Variants in NALF1 observed in about 807,000 individuals in gnomAD.
NALF1 encodes the protein family with sequence similarity 155 member A.
In NALF1, 3 loss-of-function variants were observed where a neutral mutation model predicts 48.4. The observed-to-expected ratio is 0.06, with a 90% CI of 0.03 to 0.16. NALF1 has a LOEUF of 0.16. NALF1 is among the 10% of genes least tolerant of loss of function. NALF1 has a pLI of 1.00. For missense variants in NALF1, 526 were observed against 571.5 expected (o/e 0.92, Z 0.81); for synonymous variants, 262 against 245.7 (o/e 1.07, Z -0.62).
rs188912670 is a variant in NALF1, at chr13:107,521,520, A to T, written c.916-310765T>A. Among the ~76,000 whole-genome samples, 651 of 152,340 alleles carry T rather than the reference A, an allele frequency of 4.3e-3. 7 individuals carry two copies. The highest frequency in any genetic ancestry group is 0.015 in the African/African-American group (608 of 41,584). On this transcript the variant is annotated intron_variant, in intron 1 of 2. Transcript: ENST00000375915. ...AAAACGGTATATTAAGTTGACTATT[A>T]TATCCCCCCTTATAAAGCACTAGTT...
At chr13:107,531,894 T>C (rs1204858246) in intron 1 of NALF1, among the ~76,000 whole-genome samples, 1 of 152,170 alleles carries the variant, frequency 6.6e-6, no homozygotes, top group Non-Finnish European at 1.5e-5. Flanking sequence ...ATTTTATGCT[T>C]ATAAACTTCT....
At chr13:107,420,540 T>C (rs905677956) in intron 1 of NALF1, among the ~76,000 whole-genome samples, 1 of 152,190 alleles carries the variant, frequency 6.6e-6, no homozygotes, top group Non-Finnish European at 1.5e-5. Context: ...AAATTTCAGC[T>C]GACAAGTAAC....
chr13:107,742,680 A>G (rs1876673573), intron 1 of NALF1, among the ~76,000 whole-genome samples: 1 of 152,200 alleles, frequency 6.6e-6, no homozygotes, highest in Non-Finnish European at 1.5e-5. Flanking sequence ...CAGTGTGAGA[A>G]TGGACTAACA....
intron 1 of NALF1, among the ~76,000 whole-genome samples, chr13:107,580,633 G>C (rs1034226916): frequency 2.0e-5 from 3 of 152,162 alleles, no homozygotes; most frequent in African/African-American, 7.2e-5. Context: ...TTTTATGAAA[G>C]AAAGAATGTT....
Position 107,396,360 on chromosome 13 carries a change from C to T in NALF1, c.916-185605G>A, listed in dbSNP as rs191428860. Among the ~76,000 whole-genome samples the T allele has an allele frequency of 5.4e-3, 828 of 152,270 alleles. 3 individuals are homozygous for T. Among genetic ancestry groups the T allele is most frequent in the Non-Finnish European group, 8.1e-3 (550 of 68,008 alleles). On this transcript the variant is annotated intron_variant, in intron 1 of 2. Coordinates refer to ENST00000375915, the MANE Select transcript of NALF1 (RefSeq NM_001080396.3). ...CGCAAAAGATCTCTGCTAAGGCCAG[C>T]GCCACATCCAGTTCTGTAGAAGTGC...
At position 107,319,244 on chromosome 13, in the gene NALF1, C is replaced by T. The variant is rs895800356; in HGVS notation, c.916-108489G>A. ...GCGTTAGTGATAAAATGATGAGTCA[C>T]AAAAGAATGTTGAACTGGTGAACGT... On this transcript the variant is annotated intron_variant, in intron 1 of 2. Coordinates refer to ENST00000375915, the MANE Select transcript of NALF1 (RefSeq NM_001080396.3). Among the ~76,000 whole-genome samples, 3 of 151,976 alleles carry T rather than the reference C, an allele frequency of 2.0e-5. No individual in the cohort carries two copies. The East Asian group carries it at 5.8e-4, about 29-fold the overall frequency.
intron 1 of NALF1, among the ~76,000 whole-genome samples, chr13:107,244,211 A>G (rs1880532906): frequency 6.6e-6 from 1 of 152,172 alleles, no homozygotes; most frequent in Non-Finnish European, 1.5e-5. Context: ...CAAAGTTTGG[A>G]ATTTTATAAA....
At chr13:107,818,919 T>C (rs1879271109) in intron 1 of NALF1, among the ~76,000 whole-genome samples, 1 of 149,410 alleles carries the variant, frequency 6.7e-6, no homozygotes, top group Admixed American at 6.7e-5. Context: ...AATATGAGAC[T>C]TCCAGTGTGA....
chr13:107,604,559 GGA>G (rs546393280), intron 1 of NALF1, among the ~76,000 whole-genome samples: 35 of 152,224 alleles, frequency 2.3e-4, no homozygotes, highest in African/African-American at 7.5e-4. Flanking sequence ...ATATTCTTTT[GGA>G]ACTCAGTTGA....
chr13:107,675,509 T>G (rs1486422760), intron 1 of NALF1, among the ~76,000 whole-genome samples: 2 of 152,252 alleles, frequency 1.3e-5, no homozygotes, highest in Non-Finnish European at 2.9e-5. Flanking sequence ...TCGTTTCTTT[T>G]TCTTGAATCG....
intron 1 of NALF1, among the ~76,000 whole-genome samples, chr13:107,271,774 C>CTATA (rs397838456): frequency 3.0e-3 from 82 of 27,538 alleles, no homozygotes; most frequent in African/African-American, 5.3e-3. Flanking sequence ...TGCTACTGGA[C>CTATA]TATATATATA....
rs1316758002 is a variant in NALF1, at chr13:107,243,255, A to G, written c.916-32500T>C. 1.3e-5 allele frequency among the ~76,000 whole-genome samples: 2 copies of G among 152,138 alleles called. 1 individual carries two copies. The highest frequency in any genetic ancestry group is 4.1e-4 in the South Asian group (2 of 4,820). On this transcript the variant is annotated intron_variant, in intron 1 of 2. Coordinates refer to ENST00000375915, the MANE Select transcript of NALF1 (RefSeq NM_001080396.3). ...AGGCTGAGCTCTTTATGCATCTTACATATTTTATGTGTTGAAATGCCACCT... is the reference window on the plus strand; with the variant it reads ...AGGCTGAGCTCTTTATGCATCTTACGTATTTTATGTGTTGAAATGCCACCT...
At chr13:107,651,243 G>C (rs769967710) in intron 1 of NALF1, among the ~76,000 whole-genome samples, 6 of 152,126 alleles carry the variant, frequency 3.9e-5, no homozygotes, top group Non-Finnish European at 7.4e-5. Flanking sequence ...TTTAGTCCCG[G>C]GCTGTTTCTG....
At position 107,791,784 on chromosome 13, in the gene NALF1, C is replaced by CG. The variant is rs376229742; in HGVS notation, c.915+73897_915+73898insC. ...TGGCCAACGTGGTGATCCCCGCCCC[C>CG]CCCCGTCTCTACTAAAAATACAAAA... is the stretch of plus-strand genomic sequence containing the variant. On this transcript the variant is annotated intron_variant, in intron 1 of 2. Transcript: ENST00000375915. Among the ~76,000 whole-genome samples the CG allele has an allele frequency of 2.6e-3, 396 of 151,792 alleles. 6 individuals carry two copies. Among genetic ancestry groups the CG allele is most frequent in the African/African-American group, 8.9e-3 (370 of 41,386 alleles).
chr13:107,191,571 T>C (rs1199159134), intron 2 of NALF1, among the ~76,000 whole-genome samples: 1 of 152,172 alleles, frequency 6.6e-6, no homozygotes, highest in African/African-American at 2.4e-5. Context: ...GCTGATATGT[T>C]AGAAGCCGGG....
At chr13:107,380,151 T>C (rs1210764186) in intron 1 of NALF1, among the ~76,000 whole-genome samples, 1 of 152,226 alleles carries the variant, frequency 6.6e-6, no homozygotes, top group African/African-American at 2.4e-5. Context: ...ACTAATTTGT[T>C]ATTTCATTAT....
intron 1 of NALF1, among the ~76,000 whole-genome samples, chr13:107,412,978 T>A (rs1397326744): frequency 1.3e-5 from 2 of 152,202 alleles, no homozygotes; most frequent in East Asian, 1.9e-4. Flanking sequence ...AAATATGATA[T>A]GAAGAATTTC....
rs1277986081 is a variant in NALF1, at chr13:107,164,171, C to T, written c.*6326G>A. On this transcript the variant is annotated 3_prime_UTR_variant, in exon 3 of 3. Coordinates refer to ENST00000375915, the MANE Select transcript of NALF1 (RefSeq NM_001080396.3). Reference sequence around the variant, plus strand: ...TGTATTCATAGATCAATGCTCATTACCTGGTCTTCACTGAAGTTGTAAATT... The same window carrying T: ...TGTATTCATAGATCAATGCTCATTATCTGGTCTTCACTGAAGTTGTAAATT... 2 of 152,148 alleles carry T rather than the reference C, an allele frequency of 1.3e-5. No individual in the cohort carries two copies. The highest frequency in any genetic ancestry group is 4.8e-5 in the African/African-American group (2 of 41,436). 9.4% of individuals were successfully genotyped at this position (152,148 alleles called of 1,614,324 possible).
chr13:107,183,091 C>T (rs908799844), intron 2 of NALF1, among the ~76,000 whole-genome samples: 3 of 152,170 alleles, frequency 2.0e-5, no homozygotes, highest in Non-Finnish European at 2.9e-5. Context: ...GTGCCTCCCT[C>T]GCCATCTCCC....
Sources: gnomAD v4.1 joint callset for allele counts (sites outside exome capture counted in the v4.1 genomes callset) on GRCh38, gnomAD v4.1.1 for gene constraint, MANE v1.5 for transcripts, NCBI Gene and HGNC (gene_info 2026-07-23, HGNC 2026-07-21) for gene names.